C8orf34: variants seen among roughly 807,000 people sequenced by gnomAD.
C8orf34 encodes uncharacterized protein C8orf34.
A neutral mutation model predicts 68.3 loss-of-function variants in C8orf34; 65 were observed. The observed-to-expected ratio is 0.95, with a 90% confidence interval of 0.78 to 1.17. The LOEUF is 1.17. C8orf34 is among the 50% of genes most tolerant of loss of function. The pLI is 0.00. For synonymous variants in C8orf34, 244 were observed against 241.2 expected (o/e 1.01, Z -0.11); for missense variants, 664 against 655.4 (o/e 1.01, Z -0.14).
intron 7 of C8orf34, among the ~76,000 whole-genome samples, chr8:68,537,466 T>G (rs184610966): frequency 7.0e-6 from 1 of 143,176 alleles, no homozygotes; most frequent in East Asian, 2.0e-4. Flanking sequence ...TTTATTTTCT[T>G]TTTTTTTTTA....
At chr8:68,501,206 A>T (rs1813757110) in intron 5 of C8orf34, among the ~76,000 whole-genome samples, 1 of 152,066 alleles carries the variant, frequency 6.6e-6, no homozygotes, top group Non-Finnish European at 1.5e-5. Context: ...CTAACAATGA[A>T]CCCAAGGATG....
At chr8:68,749,187 T>C (rs893216716) in intron 10 of C8orf34, among the ~76,000 whole-genome samples, 3 of 148,048 alleles carry the variant, frequency 2.0e-5, no homozygotes, top group Non-Finnish European at 4.5e-5. Flanking sequence ...AATTGAACAA[T>C]GAGAACACAT....
chr8:68,603,468 G>T (rs1434116806), intron 7 of C8orf34, among the ~76,000 whole-genome samples: 2 of 142,554 alleles, frequency 1.4e-5, no homozygotes, highest in African/African-American at 2.8e-5. Context: ...CCAGATCATG[G>T]TATATTTATA....
chr8:68,495,274 AATATAT>A (rs142794937), intron 5 of C8orf34, among the ~76,000 whole-genome samples: 8 of 148,832 alleles, frequency 5.4e-5, no homozygotes, highest in Non-Finnish European at 1.2e-4. Flanking sequence ...ATGTAACAAT[AATATAT>A]ATATATATAT....
At chr8:68,368,878 G>A (rs1302902188) in intron 1 of C8orf34, among the ~76,000 whole-genome samples, 1 of 152,104 alleles carries the variant, frequency 6.6e-6, no homozygotes, top group African/African-American at 2.4e-5. Flanking sequence ...TTTGGTTTAA[G>A]ATTTTTTTCC....
intron 7 of C8orf34, chr8:68,625,497 T>C: frequency 1.7e-6 from 1 of 593,098 alleles, no homozygotes; most frequent in Non-Finnish European, 3.1e-6. Context: ...CTTGTAAAAT[T>C]CCACTTGGGG....
chr8:68,724,278 A>C (rs948260221), intron 10 of C8orf34, among the ~76,000 whole-genome samples: 5 of 152,360 alleles, frequency 3.3e-5, no homozygotes, highest in African/African-American at 1.2e-4. Flanking sequence ...ATTGGAACAA[A>C]GAAACTCTTT....
chr8:68,760,119 G>C (rs1822981067), intron 10 of C8orf34, among the ~76,000 whole-genome samples: 1 of 152,188 alleles, frequency 6.6e-6, no homozygotes, highest in South Asian at 2.1e-4. Flanking sequence ...GCTTGATAGT[G>C]AAGGGAGTTG....
intron 10 of C8orf34, among the ~76,000 whole-genome samples, chr8:68,770,702 C>G (rs955418423): frequency 1.3e-5 from 2 of 151,910 alleles, no homozygotes; most frequent in African/African-American, 2.4e-5. Flanking sequence ...TTTTTTTCAG[C>G]TAATAGTCAC....
intron 5 of C8orf34, among the ~76,000 whole-genome samples, chr8:68,491,609 G>A (rs908876206): frequency 1.2e-4 from 19 of 152,264 alleles, no homozygotes; most frequent in African/African-American, 4.6e-4. Flanking sequence ...ATGGAATTAT[G>A]TTAGGTTGAG....
At chr8:68,687,277 G>C (rs1029370014) in intron 8 of C8orf34, among the ~76,000 whole-genome samples, 3 of 151,692 alleles carry the variant, frequency 2.0e-5, no homozygotes, top group Admixed American at 6.6e-5. Context: ...AATTTATATG[G>C]AACCAAAAAA....
chr8:68,818,027 C>T (rs771958476), intron 13 of C8orf34, among the ~76,000 whole-genome samples: 2 of 152,082 alleles, frequency 1.3e-5, no homozygotes, highest in African/African-American at 2.4e-5. Context: ...AACCATATCA[C>T]CATCTAATGT....
intron 8 of C8orf34, among the ~76,000 whole-genome samples, chr8:68,691,158 T>C (rs1238129928): frequency 2.0e-5 from 3 of 152,070 alleles, no homozygotes; most frequent in Non-Finnish European, 2.9e-5. Context: ...TACTTTGTTT[T>C]AGTGACTTTG....
At chr8:68,420,842 A>C (rs1277522194) in intron 1 of C8orf34, among the ~76,000 whole-genome samples, 3 of 151,822 alleles carry the variant, frequency 2.0e-5, no homozygotes. Flanking sequence ...AGAAGAAAAT[A>C]TTCAGAATGA....
chr8:68,331,498 C>T lies in C8orf34; in HGVS notation c.327+159C>T, dbSNP rs1343688240. 6.1e-6 allele frequency: 5 copies of T among 825,892 alleles called. No homozygotes were observed. The Admixed American group carries it at 8.3e-5, about 14-fold the overall frequency. The allele number at this position is 825,892 out of a possible 1,614,324, so 51.2% of individuals were successfully genotyped here. ...GGGATTCACTGGCATTCGCTCTGTCCCGGCCAGGTGTCCTGGAACGCGGCC... is the reference window on the plus strand; with the variant it reads ...GGGATTCACTGGCATTCGCTCTGTCTCGGCCAGGTGTCCTGGAACGCGGCC... On this transcript the variant is annotated intron_variant, in intron 1 of 13. Transcript: ENST00000518698.
intron 12 of C8orf34, among the ~76,000 whole-genome samples, chr8:68,798,267 G>A (rs1824235083): frequency 6.7e-6 from 1 of 149,390 alleles, no homozygotes; most frequent in African/African-American, 2.5e-5. Flanking sequence ...TAGGATTACA[G>A]GTGTGAAGCA....
chr8:68,787,576 C>A (rs1188974825), intron 12 of C8orf34, 40 bp downstream of exon 12: 8 of 1,403,818 alleles, frequency 5.7e-6, no homozygotes, highest in Non-Finnish European at 6.9e-6. Context: ...TTTCTTTTAC[C>A]AGAAGGAAAT....
At chr8:68,792,235 T>G (rs1477402363) in intron 12 of C8orf34, 2 of 151,844 alleles carry the variant, frequency 1.3e-5, no homozygotes, top group Non-Finnish European at 2.9e-5. Context: ...AGGAAAGAAA[T>G]AAGACAATCA....
At chr8:68,344,493 T>C (rs1242918073) in intron 1 of C8orf34, among the ~76,000 whole-genome samples, 1 of 152,192 alleles carries the variant, frequency 6.6e-6, no homozygotes, top group East Asian at 1.9e-4. Flanking sequence ...TCAATATAAA[T>C]ACCCCAGTTA....
Sources: gnomAD v4.1 joint callset for allele counts (sites outside exome capture counted in the v4.1 genomes callset) on GRCh38, gnomAD v4.1.1 for gene constraint, MANE v1.5 for transcripts, NCBI Gene and HGNC (gene_info 2026-07-23, HGNC 2026-07-21) for gene names.